The following IL6R variants were observed in gnomAD, a reference collection of about 807,000 sequenced individuals.
The protein encoded by IL6R is interleukin-6 receptor subunit alpha.
A neutral mutation model predicts 48.3 loss-of-function variants in IL6R; 38 were observed. The ratio of observed to expected loss-of-function variants is 0.79; its 90% CI spans 0.61 to 1.03. The LOEUF is 1.03. IL6R is among the 50% of genes least tolerant of loss of function. IL6R has a pLI of 0.00. For missense variants in IL6R, 534 were observed against 618.3 expected (o/e 0.86, Z 1.45); for synonymous variants, 264 against 256.2 (o/e 1.03, Z -0.29).
rs1385647684 is a variant in IL6R at position 154,465,592 on chromosome 1, G to A, written c.*212G>A. ...AGGTTTCAAACCTCCCTTTCCAAATGCCCAGCTTAAAGGGGCTAGAGTGAA... is the reference window on the plus strand; with the variant it reads ...AGGTTTCAAACCTCCCTTTCCAAATACCCAGCTTAAAGGGGCTAGAGTGAA... On this transcript the variant is annotated 3_prime_UTR_variant, in exon 10 of 10. Transcript: ENST00000368485. 5 of 602,652 alleles carry A rather than the reference G, an allele frequency of 8.3e-6. No individual in the cohort carries two copies. The African/African-American group carries it at 9.3e-5, about 11-fold the overall frequency. 37.3% of individuals were successfully genotyped at this position (602,652 alleles called of 1,614,324 possible). A position where few individuals can be genotyped will look rare whatever the true frequency, so the allele number is the denominator to read the frequency against.
intron 6 of IL6R, among the ~76,000 whole-genome samples, chr1:154,443,436 C>T (rs1241330474): frequency 6.6e-6 from 1 of 152,220 alleles, no homozygotes; most frequent in African/African-American, 2.4e-5. Context: ...TCCCTGAATT[C>T]CCTCTCTGCC....
At chr1:154,458,567 C>CG (rs1376697518) in intron 9 of IL6R, among the ~76,000 whole-genome samples, 1 of 151,992 alleles carries the variant, frequency 6.6e-6, no homozygotes, top group Non-Finnish European at 1.5e-5. Context: ...ATACATTTGA[C>CG]GGGAGGAAAC....
At chr1:154,440,798 A>G (rs897033203) in intron 6 of IL6R, among the ~76,000 whole-genome samples, 1 of 151,914 alleles carries the variant, frequency 6.6e-6, no homozygotes, top group Non-Finnish European at 1.5e-5. Flanking sequence ...TGAGATTGGC[A>G]TGCACCACCA....
At chr1:154,442,788 C>CT (rs10539207) in intron 6 of IL6R, among the ~76,000 whole-genome samples, 86 of 137,394 alleles carry the variant, frequency 6.3e-4, no homozygotes, top group East Asian at 1.0e-3. Flanking sequence ...TCATTTTCTT[C>CT]TTTTTTTTTT....
At chr1:154,463,851 C>A (rs1691394287) in intron 9 of IL6R, among the ~76,000 whole-genome samples, 1 of 152,198 alleles carries the variant, frequency 6.6e-6, no homozygotes, top group Non-Finnish European at 1.5e-5. Flanking sequence ...TGTCTATCTC[C>A]TTCCTGTGTA....
chr1:154,454,428 A>C, intron 8 of IL6R, 60 bp from the exon 9 acceptor site: 2 of 1,107,430 alleles, frequency 1.8e-6, no homozygotes, highest in Non-Finnish European at 2.7e-6. Context: ...TTCTCCTCCT[A>C]TTCCTTTTTC....
intron 9 of IL6R, 69 bp from the exon 10 acceptor site, chr1:154,465,065 T>C: frequency 6.3e-7 from 1 of 1,598,474 alleles, no homozygotes; most frequent in Non-Finnish European, 8.6e-7. Context: ...TGTTGGTGTT[T>C]TCCACTGTGG....
At chr1:154,447,167 G>A (rs1456052400) in intron 6 of IL6R, among the ~76,000 whole-genome samples, 2 of 151,456 alleles carry the variant, frequency 1.3e-5, no homozygotes, top group African/African-American at 2.4e-5. Context: ...GGCCAGGCAC[G>A]GTAGCTCATG....
intron 1 of IL6R, among the ~76,000 whole-genome samples, chr1:154,412,646 G>C (rs1688093744): frequency 6.6e-6 from 1 of 152,148 alleles, no homozygotes; most frequent in African/African-American, 2.4e-5. Context: ...AATGCAGTGG[G>C]GATAATAATT....
intron 1 of IL6R, chr1:154,415,032 A>G: frequency 6.6e-7 from 1 of 1,525,002 alleles, no homozygotes; most frequent in East Asian, 2.3e-5. Context: ...GGTTGGCAAG[A>G]AGTTGAGCTC....
At chr1:154,420,281 G>A (rs745631388) in intron 1 of IL6R, among the ~76,000 whole-genome samples, 2 of 151,982 alleles carry the variant, frequency 1.3e-5, no homozygotes, top group East Asian at 1.9e-4. Context: ...ATGATTGGGC[G>A]CCATGGGATG....
intron 1 of IL6R, chr1:154,418,327 C>T (rs1688469797): frequency 1.4e-6 from 1 of 699,840 alleles, no homozygotes; most frequent in Admixed American, 6.3e-5. Flanking sequence ...GTCTCTGAGT[C>T]AGCATTGAGC....
At position 154,434,654 on chromosome 1, in the gene IL6R, C is replaced by G; in HGVS notation, c.594C>G (p.Val198=). 2 of 1,614,152 alleles carry G rather than the reference C, an allele frequency of 1.2e-6. No individual in the cohort carries two copies. Residue 198 remains valine (V), a synonymous_variant, in exon 4 of 10, where the codon GTC becomes GTG. Transcript: ENST00000368485. Reference sequence around the variant, plus strand: ...TGTCCATGTGCGTCGCCAGTAGTGTCGGGAGCAAGTTCAGCAAAACTCAAA... The same window carrying G: ...TGTCCATGTGCGTCGCCAGTAGTGTGGGGAGCAAGTTCAGCAAAACTCAAA... ...YIVSMCVASS[V]GSKFSKTQTF... is the part of the protein sequence containing the mutation.
intron 9 of IL6R, 121 bp downstream of exon 9, chr1:154,454,702 G>T: frequency 1.4e-6 from 1 of 725,118 alleles, no homozygotes. Context: ...TCAAATGAAT[G>T]CACACACCAC....
In IL6R at chr1:154,405,934, C is replaced by T. The variant is rs968683311; in HGVS notation, c.85+220C>T. On this transcript the variant is annotated intron_variant, in intron 1 of 9. Coordinates refer to ENST00000368485, the MANE Select transcript of IL6R (RefSeq NM_000565.4). The surrounding 1 kb of genome is among the most constrained non-coding windows in gnomAD (Gnocchi z 5.2). ...TTGCTCCCTTGGTCCGGAGCGCTCC[C>T]CGGAATGCCCGGTGAAGCTGTGCGG... Among the ~76,000 whole-genome samples the T allele has an allele frequency of 6.6e-6, 1 of 152,130 alleles. No homozygotes were observed. Among genetic ancestry groups the T allele is most frequent in the Non-Finnish European group, 1.5e-5 (1 of 67,998 alleles).
At chr1:154,415,946 C>A (rs1470762321) in intron 1 of IL6R, among the ~76,000 whole-genome samples, 1 of 151,820 alleles carries the variant, frequency 6.6e-6, no homozygotes, top group Admixed American at 6.6e-5. Context: ...GCCTGGGCGA[C>A]AAGAGTAAGA....
intron 9 of IL6R, among the ~76,000 whole-genome samples, chr1:154,461,771 C>G (rs1435090042): frequency 6.6e-6 from 1 of 152,148 alleles, no homozygotes; most frequent in East Asian, 1.9e-4. Context: ...TCAAATCCAT[C>G]TCCCCAAGGA....
intron 1 of IL6R, among the ~76,000 whole-genome samples, chr1:154,413,897 T>A (rs1303411166): frequency 6.6e-6 from 1 of 151,518 alleles, no homozygotes; most frequent in Admixed American, 6.6e-5. Context: ...TGCAGTGACA[T>A]GCTCATGGCT....
chr1:154,464,884 A>G (rs1691466844), intron 9 of IL6R, among the ~76,000 whole-genome samples: 1 of 152,106 alleles, frequency 6.6e-6, no homozygotes, highest in South Asian at 2.1e-4. Flanking sequence ...ACCTGAGCCC[A>G]AGGAGGTTGA....
Sources: gnomAD v4.1 joint callset for allele counts (sites outside exome capture counted in the v4.1 genomes callset) on GRCh38, gnomAD v4.1.1 for gene constraint, Gnocchi (gnomAD v3.1) non-coding constraint, MANE v1.5 for transcripts, NCBI Gene and HGNC (gene_info 2026-07-23, HGNC 2026-07-21) for gene names.